Variants in SCAI observed in about 807,000 individuals in gnomAD.
SCAI encodes suppressor of cancer cell invasion.
Under a neutral mutation model 92.2 loss-of-function variants are expected in SCAI, and 24 were observed. That is an observed-to-expected ratio of 0.26 (90% CI 0.19 to 0.37). The LOEUF (loss-of-function observed/expected upper bound fraction) is 0.37, where lower values mean the gene tolerates loss of function less well. Ranked by LOEUF, SCAI falls within the 10% of genes least tolerant of loss-of-function variation. The probability of loss-of-function intolerance (pLI) is 1.00; values close to 1 mark genes in which losing one functional copy is unlikely to be tolerated. For missense variants in SCAI, 450 were observed against 736.2 expected (o/e 0.61, Z 4.50); for synonymous variants, 261 against 258.6 (o/e 1.01, Z -0.09).
chr9:125,034,858 A>T (rs1833159513), intron 3 of SCAI, among the ~76,000 whole-genome samples: 1 of 152,190 alleles, frequency 6.6e-6, no homozygotes. Context: ...AGAAGGAAAG[A>T]TCATTTCTCA....
At chr9:125,062,058 A>C (rs1271603827) in intron 2 of SCAI, among the ~76,000 whole-genome samples, 1 of 152,120 alleles carries the variant, frequency 6.6e-6, no homozygotes, top group Admixed American at 6.5e-5. Context: ...AGGTCCTTGC[A>C]TTATTCTGAA....
intron 9 of SCAI, 32 bp from the exon 10 acceptor site, chr9:125,003,602 G>C: frequency 1.5e-6 from 2 of 1,350,218 alleles, no homozygotes; most frequent in Non-Finnish European, 2.1e-6. Context: ...ACACAACCTA[G>C]CCTTAATGCA....
chr9:124,958,792 A>C (rs888012391), intron 17 of SCAI, among the ~76,000 whole-genome samples: 1 of 151,890 alleles, frequency 6.6e-6, no homozygotes, highest in Non-Finnish European at 1.5e-5. Context: ...CTGTAATACC[A>C]GCTACTCGGG....
At chr9:125,116,957 C>G (rs946408398) in intron 2 of SCAI, among the ~76,000 whole-genome samples, 1 of 152,106 alleles carries the variant, frequency 6.6e-6, no homozygotes, top group Non-Finnish European at 1.5e-5. Flanking sequence ...TCAAACACAT[C>G]AATGTATCTG....
At chr9:125,024,497 G>A (rs556446488) in intron 6 of SCAI, among the ~76,000 whole-genome samples, 18 of 152,170 alleles carry the variant, frequency 1.2e-4, no homozygotes, top group Admixed American at 2.0e-4. Context: ...GGATGGTCTC[G>A]ATCTCCTGAC....
At chr9:125,063,207 G>A (rs779910653) in intron 2 of SCAI, among the ~76,000 whole-genome samples, 10 of 149,414 alleles carry the variant, frequency 6.7e-5, no homozygotes, top group Admixed American at 1.3e-4. Flanking sequence ...TTGGGTGTTC[G>A]AGACCAGCCT....
At chr9:125,048,167 G>A (rs1242873161) in intron 3 of SCAI, among the ~76,000 whole-genome samples, 2 of 151,992 alleles carry the variant, frequency 1.3e-5, no homozygotes, top group Non-Finnish European at 2.9e-5. Context: ...TAGTAGAGAT[G>A]GGGTTTCACC....
At chr9:125,079,771 A>C (rs1328236152) in intron 2 of SCAI, among the ~76,000 whole-genome samples, 3 of 152,074 alleles carry the variant, frequency 2.0e-5, no homozygotes, top group Admixed American at 6.6e-5. Flanking sequence ...TTAAAAAAAA[A>C]AACTGGTATT....
At chr9:125,079,127 TTCC>T (rs1834154841) in intron 2 of SCAI, among the ~76,000 whole-genome samples, 1 of 152,192 alleles carries the variant, frequency 6.6e-6, no homozygotes, top group South Asian at 2.1e-4. Flanking sequence ...TGATAATTGT[TTCC>T]TCTATTTTCC....
At chr9:124,962,773 A>T (rs1831465520) in intron 17 of SCAI, among the ~76,000 whole-genome samples, 1 of 151,726 alleles carries the variant, frequency 6.6e-6, no homozygotes, top group African/African-American at 2.4e-5. Context: ...TATTATATGT[A>T]TTATATATTG....
intron 3 of SCAI, among the ~76,000 whole-genome samples, chr9:125,055,102 T>G (rs1182335279): frequency 6.6e-6 from 1 of 152,182 alleles, no homozygotes; most frequent in East Asian, 1.9e-4. Flanking sequence ...TGGGGATGTA[T>G]AATACAATTG....
intron 17 of SCAI, among the ~76,000 whole-genome samples, chr9:124,964,729 G>C (rs745661766): frequency 1.3e-5 from 2 of 152,190 alleles, no homozygotes; most frequent in African/African-American, 4.8e-5. Flanking sequence ...ACTTTAAAAG[G>C]TAGTCCCTTA....
At chr9:125,037,006 C>T (rs62584363) in intron 3 of SCAI, among the ~76,000 whole-genome samples, 26,494 of 151,996 alleles carry the variant, frequency 0.17, 2,903 homozygotes, top group Non-Finnish European at 0.23. Context: ...CAGTGGCTCA[C>T]GCCTGTAATC....
intron 2 of SCAI, among the ~76,000 whole-genome samples, chr9:125,120,016 C>T (rs559808670): frequency 5.3e-5 from 8 of 152,256 alleles, no homozygotes; most frequent in African/African-American, 1.4e-4. Flanking sequence ...TAGCCCTAAA[C>T]GTGACACGTC....
chr9:124,998,833 G>T (rs1832300125), intron 13 of SCAI, among the ~76,000 whole-genome samples: 1 of 151,854 alleles, frequency 6.6e-6, no homozygotes, highest in African/African-American at 2.4e-5. Flanking sequence ...GGCCAAGCTG[G>T]TCTCAAACTC....
intron 15 of SCAI, among the ~76,000 whole-genome samples, chr9:124,972,381 T>C (rs1831676912): frequency 6.6e-6 from 1 of 152,208 alleles, no homozygotes; most frequent in Non-Finnish European, 1.5e-5. Context: ...GGCACTGCTC[T>C]GTCTTGCGGT....
chr9:125,018,901 C>T lies in SCAI; in HGVS notation c.759G>A (p.Ser253=), dbSNP rs767312006. Reference sequence around the variant, plus strand: ...GGGCTCCTGTTTCAGCAAGGCGATTCGATGTGATAACAATGGTATTATCAT... The same window carrying T: ...GGGCTCCTGTTTCAGCAAGGCGATTTGATGTGATAACAATGGTATTATCAT... ...LNDDNTIVIT[S]NRLAETGAPL... is the part of the protein sequence containing the mutation. Residue 253 remains serine (S), a synonymous_variant, in exon 9 of 18, where the codon TCG becomes TCA. Coordinates refer to ENST00000336505, the MANE Select transcript of SCAI (RefSeq NM_001144877.3). 3.7e-6 allele frequency: 6 copies of T among 1,613,838 alleles called. No homozygotes were observed. In the East Asian group the frequency reaches 6.7e-5, roughly 18 times the overall value.
intron 2 of SCAI, among the ~76,000 whole-genome samples, chr9:125,079,685 T>C (rs948723118): frequency 6.6e-6 from 1 of 152,112 alleles, no homozygotes; most frequent in Non-Finnish European, 1.5e-5. Flanking sequence ...ATGACAGTTA[T>C]AGAAATTACA....
chr9:125,127,309 A>ATAAC (rs1564424806), intron 2 of SCAI, among the ~76,000 whole-genome samples: 1 of 152,162 alleles, frequency 6.6e-6, no homozygotes, highest in East Asian at 1.9e-4. Context: ...AGAGTCTCAC[A>ATAAC]TAACTCTAAG....
Sources: allele counts gnomAD v4.1 joint callset (sites outside exome capture counted in the v4.1 genomes callset), GRCh38; gene constraint gnomAD v4.1.1; transcripts MANE v1.5; gene names NCBI Gene and HGNC (gene_info 2026-07-23, HGNC 2026-07-21).